Variants in BDP1 observed in about 807,000 individuals in gnomAD.
BDP1 encodes the protein transcription factor TFIIIB component B'' homolog.
A neutral mutation model predicts 266.6 loss-of-function variants in BDP1; 169 were observed. That is an observed-to-expected ratio of 0.63 (90% CI 0.56 to 0.72). The LOEUF is 0.72. Among genes scored for constraint, BDP1 ranks in the 30% least tolerant of loss-of-function variants. The pLI is 0.00. For synonymous variants in BDP1, 1,090 were observed against 1,022.4 expected (o/e 1.07, Z -1.26); for missense variants, 3,015 against 3,053.8 (o/e 0.99, Z 0.30).
chr5:71,481,746 C>G (rs1281988002), intron 7 of BDP1, among the ~76,000 whole-genome samples: 1 of 152,008 alleles, frequency 6.6e-6, no homozygotes, highest in African/African-American at 2.4e-5. Context: ...ATTTGAATTA[C>G]TATTATATTT....
chr5:71,564,746 CT>C lies in BDP1; in HGVS notation c.7744-3del. 1 of 1,590,410 alleles carries C rather than the reference CT, an allele frequency of 6.3e-7. No individual in the cohort carries two copies. The highest frequency in any genetic ancestry group is 8.5e-7 in the Non-Finnish European group (1 of 1,172,544). On this transcript the variant is annotated splice_polypyrimidine_tract_variant and splice_region_variant and intron_variant, in intron 38 of 38. Coordinates refer to ENST00000358731, the MANE Select transcript of BDP1 (RefSeq NM_018429.3). ...TTTATTTTTACTTTATTTTTATTAC[CT>C]TTTTAGGTTTCTTGTGATCAGCCCT...
intron 7 of BDP1, among the ~76,000 whole-genome samples, chr5:71,475,241 G>A (rs1762512886): frequency 6.6e-6 from 1 of 152,056 alleles, no homozygotes; most frequent in Admixed American, 6.6e-5. Flanking sequence ...CTAGGTAGCT[G>A]GGACTACAGG....
chr5:71,513,084 AAAAAT>A, intron 18 of BDP1, 96 bp from the exon 19 acceptor site: 1 of 733,064 alleles, frequency 1.4e-6, no homozygotes, highest in Non-Finnish European at 2.2e-6. Flanking sequence ...AAAAAAAAAA[AAAAAT>A]TAAATGTTTA....
chr5:71,544,169 G>C lies in BDP1; in HGVS notation c.6413-188G>C, dbSNP rs7380280. Among the ~76,000 whole-genome samples the C allele has an allele frequency of 0.81, 123,278 of 152,146 alleles. 50,182 individuals carry two copies. Among genetic ancestry groups the C allele is most frequent in the East Asian group, 0.87 (4,524 of 5,178 alleles). On this transcript the variant is annotated intron_variant, in intron 30 of 38. Transcript: ENST00000358731. ...TTGTAGAACAGGATTTATTAATCAT[G>C]TGTTTTACTGTTCAAAAATCTATTA... is the stretch of plus-strand genomic sequence containing the variant.
chr5:71,525,598 CAA>C (rs1765796824), intron 25 of BDP1, among the ~76,000 whole-genome samples: 1 of 86,218 alleles, frequency 1.2e-5, no homozygotes, highest in African/African-American at 4.1e-5. Context: ...GCTGACCCCC[CAA>C]CCTCCTTCCC....
intron 25 of BDP1, among the ~76,000 whole-genome samples, chr5:71,530,316 C>T (rs568501405): frequency 1.3e-5 from 2 of 152,226 alleles, no homozygotes; most frequent in South Asian, 2.1e-4. Context: ...CTTGCTGCAA[C>T]CCCCGCCTCC....
chr5:71,516,333 C>G (rs770578284), intron 21 of BDP1, 62 bp downstream of exon 21: 10 of 1,246,934 alleles, frequency 8.0e-6, no homozygotes, highest in Non-Finnish European at 1.1e-5. Context: ...CAAGTTATAG[C>G]TCAGACATAG....
Position 71,495,664 on chromosome 5 carries a change from A to G in BDP1, c.1799+256A>G, listed in dbSNP as rs574060775. Among the ~76,000 whole-genome samples the G allele has an allele frequency of 2.6e-5, 4 of 152,276 alleles. No homozygotes were observed. In the East Asian group the frequency reaches 7.7e-4, roughly 29 times the overall value. On this transcript the variant is annotated intron_variant, in intron 12 of 38. Coordinates refer to ENST00000358731, the MANE Select transcript of BDP1 (RefSeq NM_018429.3). Reference sequence around the variant, plus strand: ...ATGATATGAATTTTAGGAAGGTGGTAACTTACGAAATTCTAAAACAATTTG... The same window carrying G: ...ATGATATGAATTTTAGGAAGGTGGTGACTTACGAAATTCTAAAACAATTTG...
rs763213581 is a variant in BDP1 at position 71,517,472 on chromosome 5, G to GA, written c.4991+26dup. 39 of 1,537,848 alleles carry GA rather than the reference G, an allele frequency of 2.5e-5. No individual in the cohort carries two copies. The highest frequency in any genetic ancestry group is 3.3e-5 in the Non-Finnish European group (38 of 1,149,430). On this transcript the variant is annotated intron_variant, in intron 22 of 38. Transcript: ENST00000358731. ...AATCAGGTGAGTTTGCTTTTAATGA[G>GA]AAAAAATAAGACTTTTCAAAGATAA...
chr5:71,510,509 G>T lies in BDP1; in HGVS notation c.3417G>T (p.Glu1139Asp). ...EKTPEVIDAT[E>D]EIDKDLEETG... Reference sequence around the variant, plus strand: ...CACCAGAGGTGATTGATGCCACTGAGGAAATAGACAAAGATCTGGAAGAAA... The same window carrying T: ...CACCAGAGGTGATTGATGCCACTGATGAAATAGACAAAGATCTGGAAGAAA... The change falls in exon 17 of 39, where the codon GAG becomes GAT. Residue 1139 changes from glutamate to aspartate, a missense_variant. By Grantham distance (45) the Glu-to-Asp change is conservative. Coordinates refer to ENST00000358731, the MANE Select transcript of BDP1 (RefSeq NM_018429.3). 6.2e-7 allele frequency: 1 copy of T among 1,613,738 alleles called. No individual in the cohort carries two copies. Among genetic ancestry groups the T allele is most frequent in the Non-Finnish European group, 8.5e-7 (1 of 1,179,956 alleles).
In BDP1 at chr5:71,504,720, G is replaced by C; in HGVS notation, c.2341G>C (p.Asp781His). 1 of 1,613,752 alleles carries C rather than the reference G, an allele frequency of 6.2e-7. No individual in the cohort carries two copies. Among genetic ancestry groups the C allele is most frequent in the South Asian group, 1.1e-5 (1 of 91,044 alleles). The change falls in exon 16 of 39, where the codon GAT becomes CAT. Residue 781 changes from aspartate to histidine, a missense_variant. Transcript: ENST00000358731. ...TGATTCTTTTCAAAATGTGCAGCCAGATGAGCCCAAGGTTCTTAATGAATG... is the reference window on the plus strand; with the variant it reads ...TGATTCTTTTCAAAATGTGCAGCCACATGAGCCCAAGGTTCTTAATGAATG... ...KNDSFQNVQPDEPKVLNECLS... is the reference protein window; with the variant it reads ...KNDSFQNVQPHEPKVLNECLS...
intron 1 of BDP1, among the ~76,000 whole-genome samples, chr5:71,456,640 A>T (rs1761208476): frequency 6.6e-6 from 1 of 152,162 alleles, no homozygotes; most frequent in East Asian, 1.9e-4. Flanking sequence ...GGACTCTTTT[A>T]GTCTACAGGT....
intron 35 of BDP1, among the ~76,000 whole-genome samples, chr5:71,554,349 T>C (rs1270571750): frequency 2.0e-5 from 3 of 152,238 alleles, no homozygotes; most frequent in African/African-American, 7.2e-5. Flanking sequence ...AACTCTTATA[T>C]ATGTCTGTGG....
At chr5:71,528,373 A>G (rs1766039527) in intron 25 of BDP1, among the ~76,000 whole-genome samples, 1 of 152,170 alleles carries the variant, frequency 6.6e-6, no homozygotes, top group African/African-American at 2.4e-5. Flanking sequence ...TTGTAACTTC[A>G]AAGTTTTCTG....
intron 3 of BDP1, among the ~76,000 whole-genome samples, chr5:71,462,651 G>A (rs1013272536): frequency 3.3e-5 from 5 of 152,222 alleles, no homozygotes; most frequent in African/African-American, 9.6e-5. Context: ...CTATTTGGGA[G>A]GCTGAGGCAG....
At position 71,513,302 on chromosome 5, in the gene BDP1, A is replaced by G. The variant is rs1330941668; in HGVS notation, c.4365A>G (p.Thr1455=). ...LARAALKRET[T]ESEKYIYEKK... ...GAGCAGCTTTGAAGAGAGAGACTACAGAATCAGAAAAATATATATATGAGA... is the reference window on the plus strand; with the variant it reads ...GAGCAGCTTTGAAGAGAGAGACTACGGAATCAGAAAAATATATATATGAGA... The change falls in exon 19 of 39, where the codon ACA becomes ACG. Residue 1455 remains threonine (T), a synonymous_variant. Transcript: ENST00000358731. 4.3e-6 allele frequency: 7 copies of G among 1,611,392 alleles called. No individual in the cohort carries two copies. In the South Asian group the frequency reaches 7.7e-5, roughly 18 times the overall value.
intron 38 of BDP1, chr5:71,562,743 A>T: frequency 6.9e-7 from 1 of 1,441,464 alleles, no homozygotes; most frequent in Non-Finnish European, 9.2e-7. Flanking sequence ...CTAACCATAA[A>T]TGGACACTTA....
At chr5:71,545,419 C>CA in intron 32 of BDP1, 200 bp downstream of exon 32, 1 of 554,740 alleles carries the variant, frequency 1.8e-6, no homozygotes, top group South Asian at 2.6e-5. Context: ...GCAACCTCTG[C>CA]CACCCAGATT....
intron 21 of BDP1, 22 bp downstream of exon 21, chr5:71,516,293 A>G (rs758750085): frequency 6.3e-6 from 10 of 1,581,608 alleles, no homozygotes; most frequent in Middle Eastern, 1.7e-4. Flanking sequence ...TTATGTAATT[A>G]AATTTAGCCT....
Sources: allele counts gnomAD v4.1 joint callset (sites outside exome capture counted in the v4.1 genomes callset), GRCh38; gene constraint gnomAD v4.1.1; transcripts MANE v1.5; gene names NCBI Gene and HGNC (gene_info 2026-07-23, HGNC 2026-07-21).